KCNK2: variants seen among roughly 807,000 people sequenced by gnomAD.
KCNK2 encodes the protein potassium two pore domain channel subfamily K member 2.
A neutral mutation model predicts 40.5 loss-of-function variants in KCNK2; 21 were observed. That is an observed-to-expected ratio of 0.52 (90% CI 0.37 to 0.75). The LOEUF is 0.75. KCNK2 is among the 30% of genes least tolerant of loss of function. The pLI is 0.00. For synonymous variants in KCNK2, 191 were observed against 202.2 expected (o/e 0.94, Z 0.47); for missense variants, 399 against 531.6 (o/e 0.75, Z 2.45).
At chr1:215,178,595 T>C (rs760283752) in intron 5 of KCNK2, among the ~76,000 whole-genome samples, 2 of 152,214 alleles carry the variant, frequency 1.3e-5, no homozygotes, top group Non-Finnish European at 2.9e-5. Flanking sequence ...TAAAAGCTTT[T>C]TCCACATCTA....
At chr1:215,189,469 G>A (rs1036760205) in intron 5 of KCNK2, among the ~76,000 whole-genome samples, 2 of 152,116 alleles carry the variant, frequency 1.3e-5, no homozygotes, top group Admixed American at 6.6e-5. Context: ...GTGACATCAT[G>A]TGTTGATTTT....
chr1:215,040,921 G>A (rs1458868609), intron 1 of KCNK2, among the ~76,000 whole-genome samples: 6 of 152,090 alleles, frequency 3.9e-5, no homozygotes, highest in Admixed American at 6.6e-5. Context: ...CTCTTTAGTC[G>A]CTCCCCAACT....
chr1:215,152,326 G>C (rs959054538), intron 3 of KCNK2, among the ~76,000 whole-genome samples: 10 of 152,114 alleles, frequency 6.6e-5, no homozygotes, highest in African/African-American at 2.4e-4. Flanking sequence ...ACTGATAGTA[G>C]AGAAATGCAA....
chr1:215,143,026 TACTTC>T lies in KCNK2; in HGVS notation c.475+18283_475+18287del, dbSNP rs1353745124. On this transcript the variant is annotated intron_variant, in intron 3 of 6. Transcript: ENST00000444842. ...CTCATAATTATCTTTTTTGTGTTTG[TACTTC>T]ACTTCAAGATCAAATGAGAAAGTGT... Among the ~76,000 whole-genome samples, 10 of 152,164 alleles carry T rather than the reference TACTTC, an allele frequency of 6.6e-5. No homozygotes were observed. The East Asian group carries it at 9.6e-4, about 15-fold the overall frequency.
chr1:215,021,569 G>A lies in KCNK2; in HGVS notation c.34+15614G>A, dbSNP rs540029016. On this transcript the variant is annotated intron_variant, in intron 1 of 6. Transcript: ENST00000391895. ...TTTTTTTTTTTTTTTTTTTTGAGAC[G>A]GAATCTCGCTCTGTCGCCCAGGCTG... Among the ~76,000 whole-genome samples the A allele has an allele frequency of 1.1e-4, 13 of 119,486 alleles. No homozygotes were observed. In the South Asian group the frequency reaches 3.5e-3, roughly 32 times the overall value. The allele number at this position is 119,486 out of a possible 152,430, so 78.4% of individuals were successfully genotyped here.
At chr1:215,214,624 A>G (rs1002586312) in intron 6 of KCNK2, among the ~76,000 whole-genome samples, 8 of 152,096 alleles carry the variant, frequency 5.3e-5, no homozygotes, top group Non-Finnish European at 2.9e-5. Flanking sequence ...CTAGGAGTTC[A>G]GGACCAGCCT....
At chr1:215,215,175 TA>T (rs1665905508) in intron 6 of KCNK2, among the ~76,000 whole-genome samples, 1 of 150,540 alleles carries the variant, frequency 6.6e-6, no homozygotes, top group Non-Finnish European at 1.5e-5. Context: ...TAATAAGAGA[TA>T]ATGAAGCTAA....
At chr1:215,167,558 A>C (rs956020424) in intron 3 of KCNK2, among the ~76,000 whole-genome samples, 1 of 152,262 alleles carries the variant, frequency 6.6e-6, no homozygotes, top group East Asian at 1.9e-4. Flanking sequence ...GAATAGTAAC[A>C]AGTAGATATC....
chr1:215,045,545 A>G (rs778617394), intron 1 of KCNK2, among the ~76,000 whole-genome samples: 1 of 152,238 alleles, frequency 6.6e-6, no homozygotes, highest in African/African-American at 2.4e-5. Context: ...AGGATTATGC[A>G]TATCTTGGGT....
intron 3 of KCNK2, among the ~76,000 whole-genome samples, chr1:215,131,721 G>A (rs1168268290): frequency 6.6e-6 from 1 of 151,852 alleles, no homozygotes. Flanking sequence ...AGATACCAAA[G>A]CATTTCTCTT....
At chr1:215,225,029 C>A (rs1028915753) in intron 6 of KCNK2, among the ~76,000 whole-genome samples, 6 of 151,916 alleles carry the variant, frequency 3.9e-5, no homozygotes, top group South Asian at 2.1e-4. Flanking sequence ...TAATATAACA[C>A]CAGTAAAGGG....
At chr1:215,141,601 T>G (rs1662176443) in intron 3 of KCNK2, among the ~76,000 whole-genome samples, 1 of 152,146 alleles carries the variant, frequency 6.6e-6, no homozygotes, top group Admixed American at 6.6e-5. Flanking sequence ...CAATAAATAT[T>G]TCATACTTGC....
chr1:215,205,660 C>T lies in KCNK2; in HGVS notation c.963+10568C>T, dbSNP rs1231407379. On this transcript the variant is annotated intron_variant, in intron 6 of 6. Transcript: ENST00000444842. ...TGGGTCCCTGAGTAACTACAATGAG[C>T]AGAGTCCCCTGCTGACTTGTTGTGG... 3.9e-5 allele frequency among the ~76,000 whole-genome samples: 6 copies of T among 152,146 alleles called. No individual in the cohort carries two copies. The East Asian group carries it at 9.6e-4, about 24-fold the overall frequency.
chr1:215,122,582 A>G (rs1661234600), intron 2 of KCNK2, among the ~76,000 whole-genome samples: 1 of 152,096 alleles, frequency 6.6e-6, no homozygotes, highest in African/African-American at 2.4e-5. Flanking sequence ...GGGTTATATA[A>G]ATGGAACCAT....
At chr1:215,016,572 ACT>A (rs1656594487) in intron 1 of KCNK2, among the ~76,000 whole-genome samples, 1 of 152,064 alleles carries the variant, frequency 6.6e-6, no homozygotes, top group Non-Finnish European at 1.5e-5. Context: ...ATAAAATTAG[ACT>A]CTCATCTCAC....
chr1:215,128,815 A>C (rs922601092), intron 3 of KCNK2, among the ~76,000 whole-genome samples: 3 of 152,258 alleles, frequency 2.0e-5, no homozygotes, highest in African/African-American at 7.2e-5. Context: ...AGAATTGTTT[A>C]AAGAAGTAGG....
At chr1:215,020,927 C>G (rs1310774766) in intron 1 of KCNK2, among the ~76,000 whole-genome samples, 2 of 152,108 alleles carry the variant, frequency 1.3e-5, no homozygotes, top group Admixed American at 1.3e-4. Context: ...TTTTATAAGT[C>G]TCCTGGTCTG....
At chr1:215,170,512 C>G (rs1293250137) in intron 4 of KCNK2, among the ~76,000 whole-genome samples, 1 of 152,078 alleles carries the variant, frequency 6.6e-6, no homozygotes, top group Non-Finnish European at 1.5e-5. Context: ...ATGTTTTATA[C>G]TTTCACACAA....
At position 215,234,900 on chromosome 1, in the gene KCNK2, C is replaced by A; in HGVS notation, c.1036C>A (p.Arg346=). The part of the protein sequence containing the change: ...VTAEFKETRR[R]LSVEIYDKFQ... ...AGCCGAATTCAAAGAAACCAGGAGG[C>A]GACTGAGTGTGGAGATTTATGACAA... The change falls in exon 7 of 7, where the codon CGA becomes AGA. Residue 346 remains arginine (R), a synonymous_variant. Transcript: ENST00000444842. The A allele has an allele frequency of 6.2e-7, 1 of 1,614,030 alleles. No homozygotes were observed. Among genetic ancestry groups the A allele is most frequent in the Non-Finnish European group, 8.5e-7 (1 of 1,179,986 alleles).
Sources: allele counts gnomAD v4.1 joint callset (sites outside exome capture counted in the v4.1 genomes callset), GRCh38; gene constraint gnomAD v4.1.1; transcripts MANE v1.5; gene names NCBI Gene and HGNC (gene_info 2026-07-23, HGNC 2026-07-21).